Variants in GABRR1 observed in about 807,000 individuals in gnomAD.
GABRR1 encodes the protein gamma-aminobutyric acid type A receptor subunit rho1.
In GABRR1, 59 loss-of-function variants were observed where a neutral mutation model predicts 55.5. That is an observed-to-expected ratio of 1.06 (90% CI 0.86 to 1.32). The LOEUF is 1.32. Ranked by LOEUF, GABRR1 falls within the 40% of genes most tolerant of loss-of-function variation. GABRR1 has a pLI of 0.00. For synonymous variants in GABRR1, 213 were observed against 226.0 expected, an observed-to-expected ratio of 0.94 and a Z score of 0.51; for missense variants, 602 against 619.1, an observed-to-expected ratio of 0.97 and a Z score of 0.29.
rs1260253575 is a variant in GABRR1, at chr6:89,190,232, T to G, written c.588A>C (p.Ala196=). The change falls in exon 6 of 10, where the codon GCA becomes GCC. Residue 196 remains alanine (A), a synonymous_variant. Coordinates refer to ENST00000454853, the MANE Select transcript of GABRR1 (RefSeq NM_002042.5). Reference sequence around the variant, plus strand: ...ATCGGCTGAAGTCCATGTTGCACATTGCAGTTACTGTAACCCTAGGGCCAA... The same window carrying G: ...ATCGGCTGAAGTCCATGTTGCACATGGCAGTTACTGTAACCCTAGGGCCAA... ...VLYSLRVTVT[A]MCNMDFSRFP... 1 of 1,607,628 alleles carries G rather than the reference T, an allele frequency of 6.2e-7. No homozygotes were observed. Among genetic ancestry groups the G allele is most frequent in the Admixed American group, 1.7e-5 (1 of 59,122 alleles).
At position 89,185,346 on chromosome 6, in the gene GABRR1, G is replaced by A; in HGVS notation, c.760C>T (p.His254Tyr). 6.2e-7 allele frequency: 1 copy of A among 1,613,948 alleles called. No individual in the cohort carries two copies. The change falls in exon 7 of 10, where the codon CAC (histidine) becomes TAC (tyrosine). Residue 254 changes from histidine to tyrosine, a missense_variant. Around this residue, in one of 3 missense-constraint regions of GABRR1, gnomAD observed 435 missense variants for 424.2 expected, o/e 1.03. Transcript: ENST00000454853. Reference protein sequence around the residue: ...SLSQFLIQEFHTTTKLAFYSS... With the variant: ...SLSQFLIQEFYTTTKLAFYSS... ...TAGAAAGCCAGTTTGGTGGTGGTGT[G>A]GAATTCCTGAATGAGGAACTGGGAG...
intron 5 of GABRR1, among the ~76,000 whole-genome samples, chr6:89,191,575 C>T (rs760850139): frequency 6.6e-6 from 1 of 152,136 alleles, no homozygotes; most frequent in Non-Finnish European, 1.5e-5. Context: ...GGTCTTCCCA[C>T]CCTGAGTTGA....
upstream of GABRR1, among the ~76,000 whole-genome samples, chr6:89,222,327 G>A (rs1773126833): frequency 6.6e-6 from 1 of 152,214 alleles, no homozygotes; most frequent in Non-Finnish European, 1.5e-5. Context: ...CCCATCCCAA[G>A]AGTCAAGTAG....
chr6:89,193,845 C>A (rs1193245329), intron 5 of GABRR1, among the ~76,000 whole-genome samples: 2 of 152,094 alleles, frequency 1.3e-5, no homozygotes, highest in Non-Finnish European at 2.9e-5. Flanking sequence ...TTCCCTGGGC[C>A]ACAGAGAAGT....
chr6:89,198,250 G>GC lies in GABRR1; in HGVS notation c.349-8dup. The GC allele has an allele frequency of 6.2e-7, 1 of 1,600,534 alleles. No individual in the cohort carries two copies. Among genetic ancestry groups the GC allele is most frequent in the South Asian group, 1.1e-5 (1 of 90,790 alleles). On this transcript the variant is annotated splice_polypyrimidine_tract_variant and splice_region_variant and intron_variant, in intron 4 of 9. Coordinates refer to ENST00000454853, the MANE Select transcript of GABRR1 (RefSeq NM_002042.5). ...AGAGGGTCATCGTAAAGTCCTGGGAGCAGAAGGGCAGAGAGGGAACCCCAG... is the reference window on the plus strand; with the variant it reads ...AGAGGGTCATCGTAAAGTCCTGGGAGCCAGAAGGGCAGAGAGGGAACCCCAG...
intron 1 of GABRR1, among the ~76,000 whole-genome samples, chr6:89,227,001 C>G (rs1286227599): frequency 2.3e-5 from 1 of 44,204 alleles, no homozygotes; most frequent in Admixed American, 1.9e-4. Context: ...AGTTGGATTC[C>G]TAGGTATTTT....
At chr6:89,213,353 A>G (rs1313176439) in intron 1 of GABRR1, among the ~76,000 whole-genome samples, 1 of 152,246 alleles carries the variant, frequency 6.6e-6, no homozygotes, top group African/African-American at 2.4e-5. Context: ...AAGCCCTTTA[A>G]AAGTTTAGGC....
intron 7 of GABRR1, among the ~76,000 whole-genome samples, chr6:89,184,486 G>T (rs1005053598): frequency 6.6e-6 from 1 of 152,260 alleles, no homozygotes; most frequent in East Asian, 1.9e-4. Flanking sequence ...GTCCACAGGG[G>T]ACTGACCAGT....
Position 89,180,389 on chromosome 6 carries a change from A to G in GABRR1, c.1049T>C (p.Val350Ala). Residue 350 changes from valine to alanine, a missense_variant, in exon 9 of 10, where the codon GTC becomes GCC. This residue lies in a region of GABRR1 where 28 missense variants were observed against 53.9 expected (regional missense o/e 0.52). Transcript: ENST00000454853. ...CGAGAGGAACACGAACACAAAGCTG[A>G]CCCAGAGGTAGATGTCCACGGCCTT... ...YIKAVDIYLW[V>A]SFVFVFLSVL... 2 of 1,613,918 alleles carry G rather than the reference A, an allele frequency of 1.2e-6. No individual in the cohort carries two copies. Among genetic ancestry groups the G allele is most frequent in the Non-Finnish European group, 1.7e-6 (2 of 1,179,868 alleles).
chr6:89,204,129 T>C (rs1772568535), intron 1 of GABRR1, among the ~76,000 whole-genome samples: 1 of 152,230 alleles, frequency 6.6e-6, no homozygotes, highest in African/African-American at 2.4e-5. Context: ...CTTGGGGGCA[T>C]CAACGTGCCT....
chr6:89,201,914 T>A (rs1772487467), intron 2 of GABRR1, among the ~76,000 whole-genome samples: 1 of 152,120 alleles, frequency 6.6e-6, no homozygotes, highest in Non-Finnish European at 1.5e-5. Context: ...AAATAGCTGG[T>A]TCTAGTCTTG....
At chr6:89,202,945 C>A (rs1407634979) in intron 2 of GABRR1, among the ~76,000 whole-genome samples, 1 of 152,054 alleles carries the variant, frequency 6.6e-6, no homozygotes, top group Non-Finnish European at 1.5e-5. Context: ...AAACCCCTGG[C>A]CTGCAAGCAA....
chr6:89,210,182 ATTTTTTTTTTTT>A (rs60158472), intron 1 of GABRR1, among the ~76,000 whole-genome samples: 3 of 80,182 alleles, frequency 3.7e-5, no homozygotes, highest in East Asian at 3.4e-4. Context: ...TTCTGCAGCA[ATTTTTTTTTTTT>A]TTTTTTTTTT....
chr6:89,214,877 T>A (rs1187287710), intron 1 of GABRR1, among the ~76,000 whole-genome samples: 1 of 151,978 alleles, frequency 6.6e-6, no homozygotes, highest in Non-Finnish European at 1.5e-5. Context: ...AAAATTTTTT[T>A]AATTAGCCAG....
At chr6:89,191,598 T>C (rs1470827792) in intron 5 of GABRR1, among the ~76,000 whole-genome samples, 6 of 151,832 alleles carry the variant, frequency 4.0e-5, no homozygotes, top group Admixed American at 6.5e-5. Context: ...CTTCTCTCCA[T>C]ATAACTTACA....
chr6:89,204,755 T>C (rs1582397916), intron 1 of GABRR1: 1 of 878,772 alleles, frequency 1.1e-6, no homozygotes, highest in Non-Finnish European at 1.5e-6. Context: ...ATTAATATTA[T>C]TAGATAACTT....
intron 1 of GABRR1, among the ~76,000 whole-genome samples, chr6:89,214,182 T>G (rs925224531): frequency 2.0e-5 from 1 of 48,964 alleles, no homozygotes; most frequent in African/African-American, 1.0e-4. Context: ...TCTTAGAGAA[T>G]GAAATAAAAT....
At chr6:89,184,117 G>A (rs1175508497) in intron 7 of GABRR1, among the ~76,000 whole-genome samples, 1 of 152,094 alleles carries the variant, frequency 6.6e-6, no homozygotes, top group Admixed American at 6.6e-5. Context: ...GTGGGTGCCT[G>A]TAATCCCAGC....
chr6:89,198,270 C>G (rs747826375), intron 4 of GABRR1, 27 bp from the exon 5 acceptor site: 1 of 1,505,012 alleles, frequency 6.6e-7, no homozygotes. Context: ...AGAGAGGGAA[C>G]CCCAGACACA....
Sources: allele counts gnomAD v4.1 joint callset (sites outside exome capture counted in the v4.1 genomes callset), GRCh38; gene constraint gnomAD v4.1.1; regional missense constraint gnomAD v4.1.1; transcripts MANE v1.5; gene names NCBI Gene and HGNC (gene_info 2026-07-23, HGNC 2026-07-21).